EBF1: variants seen among roughly 807,000 people sequenced by gnomAD.
EBF1 encodes transcription factor COE1.
EBF1 carries 10 observed loss-of-function variants against 68.4 expected under a neutral mutation model. That is an observed-to-expected ratio of 0.15 (90% CI 0.09 to 0.25). The LOEUF is 0.25. Ranked by LOEUF, EBF1 falls within the 10% of genes least tolerant of loss-of-function variation. EBF1 has a pLI of 1.00. For missense variants in EBF1, 509 were observed against 794.4 expected (o/e 0.64, Z 4.32); for synonymous variants, 298 against 299.8 (o/e 0.99, Z 0.06).
chr5:158,961,226 T>G (rs946619129), intron 6 of EBF1, among the ~76,000 whole-genome samples: 2 of 152,138 alleles, frequency 1.3e-5, no homozygotes, highest in Non-Finnish European at 2.9e-5. Flanking sequence ...GTGTAAACAG[T>G]ATAACCTTTT....
rs1357475200 is a variant in EBF1, at chr5:158,785,387, C to G, written c.910-7848G>C. On this transcript the variant is annotated intron_variant, in intron 9 of 15. Transcript: ENST00000313708. Reference sequence around the variant, plus strand: ...TTCTTGGCGACTGTGCTGGCTGAACCTCCATATTATATCTCTATTTCCCTG... The same window carrying G: ...TTCTTGGCGACTGTGCTGGCTGAACGTCCATATTATATCTCTATTTCCCTG... Among the ~76,000 whole-genome samples the G allele has an allele frequency of 2.6e-5, 4 of 152,246 alleles. No homozygotes were observed. The East Asian group carries it at 7.7e-4, about 29-fold the overall frequency.
chr5:158,773,223 C>A (rs920560374), intron 10 of EBF1, among the ~76,000 whole-genome samples: 8 of 152,070 alleles, frequency 5.3e-5, no homozygotes, highest in Non-Finnish European at 1.0e-4. Flanking sequence ...ATGTCAAGTT[C>A]CACAGAGCAT....
chr5:158,890,867 A>G (rs557289503), intron 6 of EBF1, among the ~76,000 whole-genome samples: 1 of 152,342 alleles, frequency 6.6e-6, no homozygotes, highest in South Asian at 2.1e-4. Flanking sequence ...CTTTTAGCCA[A>G]GTCCTCAGGA....
At chr5:159,011,338 G>A (rs971729369) in intron 6 of EBF1, among the ~76,000 whole-genome samples, 2 of 152,176 alleles carry the variant, frequency 1.3e-5, no homozygotes, top group African/African-American at 4.8e-5. Flanking sequence ...CAGGCTCTCT[G>A]CTGTGCAGGT....
At chr5:158,708,595 G>C (rs144717842) in intron 14 of EBF1, among the ~76,000 whole-genome samples, 36 of 152,298 alleles carry the variant, frequency 2.4e-4, no homozygotes, top group African/African-American at 8.4e-4. Context: ...TCTTATGAGG[G>C]ATAGAGTAGC....
At chr5:158,849,339 T>C (rs909583704) in intron 6 of EBF1, among the ~76,000 whole-genome samples, 1 of 152,176 alleles carries the variant, frequency 6.6e-6, no homozygotes, top group Non-Finnish European at 1.5e-5. Flanking sequence ...GCCCTGAACA[T>C]GAAATCTCCT....
chr5:158,783,931 C>T (rs1776919080), intron 9 of EBF1, among the ~76,000 whole-genome samples: 1 of 152,068 alleles, frequency 6.6e-6, no homozygotes, highest in Non-Finnish European at 1.5e-5. Flanking sequence ...AGACAGCCTC[C>T]CATCATATCA....
At chr5:158,837,235 C>G (rs2127951643) in intron 7 of EBF1, among the ~76,000 whole-genome samples, 1 of 152,312 alleles carries the variant, frequency 6.6e-6, no homozygotes, top group South Asian at 2.1e-4. Context: ...GCCAGTGACA[C>G]TGCTAAACAT....
chr5:158,712,911 A>C (rs1397780300), intron 13 of EBF1, 59 bp downstream of exon 13: 1 of 1,385,820 alleles, frequency 7.2e-7, no homozygotes, highest in South Asian at 2.0e-5. Context: ...TTCATGACCA[A>C]TAAATGAGGA....
chr5:159,009,780 A>G (rs925959020), intron 6 of EBF1, among the ~76,000 whole-genome samples: 2 of 152,068 alleles, frequency 1.3e-5, no homozygotes, highest in African/African-American at 4.8e-5. Context: ...TCAAAAAAAA[A>G]AAAAAAGCAA....
intron 11 of EBF1, among the ~76,000 whole-genome samples, chr5:158,724,819 T>C (rs1197887099): frequency 6.6e-6 from 1 of 152,248 alleles, no homozygotes; most frequent in Non-Finnish European, 1.5e-5. Context: ...CTGTTCCAAA[T>C]GAAAGTGCAG....
At chr5:158,806,309 T>C (rs565978271) in intron 8 of EBF1, among the ~76,000 whole-genome samples, 1 of 152,198 alleles carries the variant, frequency 6.6e-6, no homozygotes, top group South Asian at 2.1e-4. Context: ...AGAGGGATCT[T>C]TTAGAATCCT....
rs528485963 is a variant in EBF1, at chr5:158,728,636, T to C, written c.1125+2433A>G. Among the ~76,000 whole-genome samples, 343 of 152,280 alleles carry C rather than the reference T, an allele frequency of 2.3e-3. 2 individuals are homozygous for C. The highest frequency in any genetic ancestry group is 8.0e-3 in the African/African-American group (331 of 41,570). On this transcript the variant is annotated intron_variant, in intron 11 of 15. Transcript: ENST00000313708. ...GCTGGAGTGCAATGGTAGGTATGTC[T>C]CACTGCAGCCTTGACCACCTAGGCT...
chr5:159,006,206 AG>A (rs1763509092), intron 6 of EBF1, among the ~76,000 whole-genome samples: 1 of 152,218 alleles, frequency 6.6e-6, no homozygotes, highest in Admixed American at 6.5e-5. Context: ...ATGTGTTCCC[AG>A]GACAATCAAA....
At chr5:158,871,478 A>G (rs1796863245) in intron 6 of EBF1, among the ~76,000 whole-genome samples, 1 of 152,208 alleles carries the variant, frequency 6.6e-6, no homozygotes. Context: ...TAGAACAATC[A>G]AAATAGGGAG....
intron 2 of EBF1, chr5:159,096,636 T>G: frequency 1.6e-6 from 1 of 620,956 alleles, no homozygotes; most frequent in South Asian, 1.9e-5. Flanking sequence ...CAGGCTATCC[T>G]CTTTCCAGGG....
intron 6 of EBF1, among the ~76,000 whole-genome samples, chr5:158,959,340 G>A (rs1340785253): frequency 1.4e-5 from 2 of 142,632 alleles, no homozygotes; most frequent in Non-Finnish European, 3.0e-5. Flanking sequence ...CACCCTAGTT[G>A]GAGTGCAGTG....
intron 6 of EBF1, among the ~76,000 whole-genome samples, chr5:159,001,620 T>C (rs1762558305): frequency 6.6e-6 from 1 of 152,222 alleles, no homozygotes; most frequent in Admixed American, 6.5e-5. Context: ...GCTTCTGATA[T>C]TACCTTCATC....
At chr5:159,065,526 C>A (rs966265076) in intron 6 of EBF1, among the ~76,000 whole-genome samples, 1 of 152,110 alleles carries the variant, frequency 6.6e-6, no homozygotes, top group African/African-American at 2.4e-5. Context: ...TGTCCTGAGC[C>A]CCAGTGTTCA....
Sources: allele counts gnomAD v4.1 joint callset (sites outside exome capture counted in the v4.1 genomes callset), GRCh38; gene constraint gnomAD v4.1.1; transcripts MANE v1.5; gene names NCBI Gene and HGNC (gene_info 2026-07-23, HGNC 2026-07-21).